LRFN2: variants seen among roughly 807,000 people sequenced by gnomAD.
The protein encoded by LRFN2 is leucine-rich repeat and fibronectin type-III domain-containing protein 2.
In LRFN2, 18 loss-of-function variants were observed where a neutral mutation model predicts 37.3. The ratio of observed to expected loss-of-function variants is 0.48; its 90% confidence interval spans 0.33 to 0.72. The LOEUF is 0.72. Among genes scored for constraint, LRFN2 ranks in the 30% least tolerant of loss-of-function variants. The pLI is 0.02. For synonymous variants in LRFN2, 556 were observed against 466.6 expected (o/e 1.19, Z -2.47); for missense variants, 1,006 against 1,060.7 (o/e 0.95, Z 0.72).
chr6:40,422,155 G>C (rs1763242742), intron 2 of LRFN2, among the ~76,000 whole-genome samples: 1 of 151,936 alleles, frequency 6.6e-6, no homozygotes, highest in African/African-American at 2.4e-5. Flanking sequence ...TCTCTTTGGA[G>C]ATAACCCCAT....
chr6:40,520,031 G>C (rs955359618), intron 1 of LRFN2, among the ~76,000 whole-genome samples: 1 of 152,148 alleles, frequency 6.6e-6, no homozygotes, highest in African/African-American at 2.4e-5. Context: ...TGGATATAAA[G>C]GGTGTGTAGG....
At chr6:40,400,533 G>T (rs1278789692) in intron 2 of LRFN2, among the ~76,000 whole-genome samples, 3 of 148,864 alleles carry the variant, frequency 2.0e-5, no homozygotes, top group Admixed American at 6.8e-5. Flanking sequence ...CAATTCTCCT[G>T]CCTCAGCCTC....
At chr6:40,543,158 A>G (rs912261517) in intron 1 of LRFN2, among the ~76,000 whole-genome samples, 1 of 152,224 alleles carries the variant, frequency 6.6e-6, no homozygotes, top group African/African-American at 2.4e-5. Flanking sequence ...AAAGACCACA[A>G]GTGTGTTCTC....
intron 1 of LRFN2, among the ~76,000 whole-genome samples, chr6:40,556,192 G>A (rs1421108049): frequency 6.6e-6 from 1 of 152,196 alleles, no homozygotes; most frequent in Admixed American, 6.5e-5. Flanking sequence ...GCTGGGAGGA[G>A]CCATGGAAAT....
chr6:40,477,495 G>A (rs16893656), intron 1 of LRFN2, among the ~76,000 whole-genome samples: 21,277 of 152,204 alleles, frequency 0.14, 3,378 homozygotes, highest in African/African-American at 0.39. Flanking sequence ...GATGGCCACA[G>A]TGAGTTATAA....
chr6:40,511,524 G>A (rs1235040333), intron 1 of LRFN2, among the ~76,000 whole-genome samples: 1 of 152,152 alleles, frequency 6.6e-6, no homozygotes, highest in African/African-American at 2.4e-5. Context: ...GCAGCAAGGG[G>A]GTCTGAGCCC....
At chr6:40,537,700 G>T (rs1312676051) in intron 1 of LRFN2, among the ~76,000 whole-genome samples, 4 of 152,088 alleles carry the variant, frequency 2.6e-5, no homozygotes, top group African/African-American at 9.7e-5. Flanking sequence ...CCACTGTCGG[G>T]GCAGAGACCT....
intron 1 of LRFN2, among the ~76,000 whole-genome samples, chr6:40,585,141 G>C (rs908398857): frequency 3.5e-4 from 54 of 152,222 alleles, no homozygotes; most frequent in African/African-American, 1.3e-3. Context: ...ACAGGAGATG[G>C]AACTGGGAGC....
At chr6:40,490,491 A>T (rs1318603293) in intron 1 of LRFN2, among the ~76,000 whole-genome samples, 2 of 152,142 alleles carry the variant, frequency 1.3e-5, no homozygotes, top group Non-Finnish European at 2.9e-5. Flanking sequence ...TATCCTGCAG[A>T]AGGACCCCCA....
intron 1 of LRFN2, among the ~76,000 whole-genome samples, chr6:40,581,878 C>T (rs2113800820): frequency 6.6e-6 from 1 of 152,292 alleles, no homozygotes; most frequent in East Asian, 1.9e-4. Flanking sequence ...AATATCAAGG[C>T]CTACTTTACA....
chr6:40,415,307 C>A (rs1456410986), intron 2 of LRFN2, among the ~76,000 whole-genome samples: 2 of 152,130 alleles, frequency 1.3e-5, no homozygotes, highest in African/African-American at 4.8e-5. Flanking sequence ...CTCACTGCAA[C>A]CTCCACCTCC....
intron 1 of LRFN2, among the ~76,000 whole-genome samples, chr6:40,488,651 T>C (rs1765020110): frequency 6.6e-6 from 1 of 152,168 alleles, no homozygotes; most frequent in Admixed American, 6.5e-5. Context: ...CTTTCAAGGC[T>C]CAGCTTCAAC....
At chr6:40,418,284 G>A (rs1763141100) in intron 2 of LRFN2, among the ~76,000 whole-genome samples, 1 of 152,026 alleles carries the variant, frequency 6.6e-6, no homozygotes, top group Non-Finnish European at 1.5e-5. Context: ...CCTTACAGAG[G>A]CGATTCCTAA....
intron 1 of LRFN2, among the ~76,000 whole-genome samples, chr6:40,503,687 A>C (rs980913753): frequency 3.3e-5 from 5 of 152,180 alleles, no homozygotes; most frequent in African/African-American, 1.2e-4. Flanking sequence ...AGGGTAGAGC[A>C]CTGGGCCTTG....
At chr6:40,580,373 A>ATC (rs1479967914) in intron 1 of LRFN2, among the ~76,000 whole-genome samples, 2 of 152,084 alleles carry the variant, frequency 1.3e-5, no homozygotes, top group African/African-American at 4.8e-5. Flanking sequence ...AGGATAGAGG[A>ATC]TCTGGTCACC....
chr6:40,454,530 G>A (rs1764194533), intron 1 of LRFN2, among the ~76,000 whole-genome samples: 1 of 152,164 alleles, frequency 6.6e-6, no homozygotes, highest in Admixed American at 6.5e-5. Flanking sequence ...GGGGGTACGT[G>A]CAGAAGGAGG....
chr6:40,484,146 A>G (rs1214866909), intron 1 of LRFN2, among the ~76,000 whole-genome samples: 1 of 152,230 alleles, frequency 6.6e-6, no homozygotes, highest in Non-Finnish European at 1.5e-5. Context: ...GCAGTGAGAC[A>G]GTACCAACTG....
At chr6:40,534,709 C>T (rs945443279) in intron 1 of LRFN2, among the ~76,000 whole-genome samples, 1 of 152,158 alleles carries the variant, frequency 6.6e-6, no homozygotes, top group Non-Finnish European at 1.5e-5. Context: ...GGCGCTCATT[C>T]CTCACCTTCC....
chr6:40,427,908 G>A (rs745821742), intron 2 of LRFN2, among the ~76,000 whole-genome samples: 7 of 152,216 alleles, frequency 4.6e-5, no homozygotes, highest in African/African-American at 1.7e-4. Flanking sequence ...AGACGGCACT[G>A]TGATGCAGGC....
Sources: gnomAD v4.1 joint callset for allele counts (sites outside exome capture counted in the v4.1 genomes callset) on GRCh38, gnomAD v4.1.1 for gene constraint, MANE v1.5 for transcripts, NCBI Gene and HGNC (gene_info 2026-07-23, HGNC 2026-07-21) for gene names.